Variants in MDFIC2 observed in about 807,000 individuals in gnomAD.
The protein encoded by MDFIC2 is MyoD family inhibitor domain containing 2, also known as myoD family inhibitor domain-containing protein 2.
At chr3:70,215,942 GT>G (rs1701405445) in intron 2 of MDFIC2, among the ~76,000 whole-genome samples, 1 of 151,948 alleles carries the variant, frequency 6.6e-6, no homozygotes, top group Non-Finnish European at 1.5e-5. Flanking sequence ...ATAAATTTCT[GT>G]CTTTTGTGGT....
At chr3:70,269,442 C>T (rs1425022877) in intron 2 of MDFIC2, among the ~76,000 whole-genome samples, 1 of 152,150 alleles carries the variant, frequency 6.6e-6, no homozygotes, top group Non-Finnish European at 1.5e-5. Flanking sequence ...CTGTTCTAAC[C>T]ATGTTCAAGT....
chr3:70,222,747 A>G (rs553376829), intron 2 of MDFIC2, among the ~76,000 whole-genome samples: 1 of 152,178 alleles, frequency 6.6e-6, no homozygotes, highest in African/African-American at 2.4e-5. Flanking sequence ...AGAAACTGGT[A>G]TAAATATACA....
intron 2 of MDFIC2, among the ~76,000 whole-genome samples, chr3:70,220,836 G>A (rs1348894769): frequency 1.3e-5 from 2 of 152,072 alleles, no homozygotes; most frequent in East Asian, 3.9e-4. Flanking sequence ...CCTTTTTTGT[G>A]CTTCCATGAC....
intron 2 of MDFIC2, among the ~76,000 whole-genome samples, chr3:70,289,112 C>G (rs1442891003): frequency 6.6e-6 from 1 of 151,226 alleles, no homozygotes; most frequent in African/African-American, 2.4e-5. Flanking sequence ...TTGATGTTAG[C>G]TGGTGATTTT....
chr3:70,266,383 C>T (rs1429364122), intron 2 of MDFIC2, among the ~76,000 whole-genome samples: 1 of 151,822 alleles, frequency 6.6e-6, no homozygotes, highest in African/African-American at 2.4e-5. Flanking sequence ...TGCTTCACTT[C>T]TCTACTTATC....
At chr3:70,283,493 T>C (rs1702109707) in intron 2 of MDFIC2, 1 of 152,120 alleles carries the variant, frequency 6.6e-6, no homozygotes, top group Admixed American at 6.6e-5. Flanking sequence ...AGCATCAAAT[T>C]ACTTTGAGGT....
At position 70,300,075 on chromosome 3, in the gene MDFIC2, A is replaced by G. The variant is rs1470378580; in HGVS notation, c.88+11811T>C. On this transcript the variant is annotated intron_variant, in intron 2 of 3. Coordinates refer to ENST00000567252, the MANE Select transcript of MDFIC2 (RefSeq NM_001364677.1). ...CTACCCATGATTTATAGCCCAGCCA[A>G]ATTCCCCATTTTTCAGAATTCTAGA... Among the ~76,000 whole-genome samples, 5 of 152,090 alleles carry G rather than the reference A, an allele frequency of 3.3e-5. No homozygotes were observed. In the East Asian group the frequency reaches 9.7e-4, roughly 29 times the overall value.
chr3:70,201,792 G>T (rs1423284883), intron 3 of MDFIC2, among the ~76,000 whole-genome samples: 2 of 152,050 alleles, frequency 1.3e-5, no homozygotes, highest in African/African-American at 4.8e-5. Flanking sequence ...CCCTCCTCTT[G>T]CCCTCCTCTG....
At chr3:70,235,516 T>C (rs1400495805) in intron 2 of MDFIC2, among the ~76,000 whole-genome samples, 2 of 152,232 alleles carry the variant, frequency 1.3e-5, no homozygotes, top group Non-Finnish European at 2.9e-5. Flanking sequence ...TACATGGCTC[T>C]AATCACCAAA....
At chr3:70,284,580 A>C (rs1466090516) in intron 2 of MDFIC2, among the ~76,000 whole-genome samples, 1 of 152,188 alleles carries the variant, frequency 6.6e-6, no homozygotes, top group Non-Finnish European at 1.5e-5. Context: ...AAAAAGAATA[A>C]GATCATGTCC....
intron 2 of MDFIC2, among the ~76,000 whole-genome samples, chr3:70,298,163 A>G (rs1702309148): frequency 6.6e-6 from 1 of 152,132 alleles, no homozygotes; most frequent in Non-Finnish European, 1.5e-5. Context: ...TGGCATCTAA[A>G]TATCCTTAGG....
intron 2 of MDFIC2, among the ~76,000 whole-genome samples, chr3:70,235,634 G>T (rs1254230559): frequency 6.6e-6 from 1 of 152,038 alleles, no homozygotes; most frequent in Admixed American, 6.5e-5. Flanking sequence ...TCTTTTAGAG[G>T]TTTCTCTATG....
chr3:70,258,104 C>T (rs1157955447), intron 2 of MDFIC2, among the ~76,000 whole-genome samples: 1 of 152,126 alleles, frequency 6.6e-6, no homozygotes, highest in Non-Finnish European at 1.5e-5. Context: ...TGAATCCCAA[C>T]TTTCATTTCA....
At chr3:70,275,923 T>C (rs1380181772) in intron 2 of MDFIC2, among the ~76,000 whole-genome samples, 1 of 152,136 alleles carries the variant, frequency 6.6e-6, no homozygotes, top group Non-Finnish European at 1.5e-5. Context: ...TCGATGCAAA[T>C]CATGGTAACT....
At chr3:70,210,172 C>G (rs1341260012) in intron 2 of MDFIC2, among the ~76,000 whole-genome samples, 1 of 152,010 alleles carries the variant, frequency 6.6e-6, no homozygotes, top group African/African-American at 2.4e-5. Context: ...ATATGATTCT[C>G]TTTTTAATTT....
At position 70,197,162 on chromosome 3, in the gene MDFIC2, C is replaced by G. The variant is rs925761891; in HGVS notation, c.334G>C (p.Ala112Pro). The G allele has an allele frequency of 1.0e-5, 4 of 398,028 alleles. No individual in the cohort carries two copies. The highest frequency in any genetic ancestry group is 8.3e-5 in the African/African-American group (4 of 48,402). The allele number at this position is 398,028 out of a possible 1,614,324, so 24.7% of individuals were successfully genotyped here. A position where few individuals can be genotyped will look rare whatever the true frequency, so the allele number is the denominator to read the frequency against. ...TCCCAAAACTGGCAAAACAGACAGG[C>G]GAGGATAAGGGAGGCACACTCCTCT... ...TDEECASLILACLFCQFWDCL... is the reference protein window; with the variant it reads ...TDEECASLILPCLFCQFWDCL... The change falls in exon 4 of 4, where the codon GCC becomes CCC. Residue 112 changes from alanine to proline, a missense_variant. Coordinates refer to ENST00000567252, the MANE Select transcript of MDFIC2 (RefSeq NM_001364677.1).
At chr3:70,280,587 T>A (rs547401367) in intron 2 of MDFIC2, among the ~76,000 whole-genome samples, 1 of 152,232 alleles carries the variant, frequency 6.6e-6, no homozygotes, top group African/African-American at 2.4e-5. Flanking sequence ...AAAATGAAGG[T>A]CTCAGAAGCA....
chr3:70,236,435 T>A (rs1701609752), intron 2 of MDFIC2, among the ~76,000 whole-genome samples: 1 of 152,230 alleles, frequency 6.6e-6, no homozygotes, highest in African/African-American at 2.4e-5. Context: ...CCTATTTGTT[T>A]ATTAGCCTTA....
intron 2 of MDFIC2, among the ~76,000 whole-genome samples, chr3:70,306,631 C>CA (rs1354348061): frequency 3.9e-5 from 6 of 151,922 alleles, no homozygotes; most frequent in Non-Finnish European, 1.5e-5. Context: ...CATTTGGGTA[C>CA]AACACAATTT....
Sources: allele counts gnomAD v4.1 joint callset (sites outside exome capture counted in the v4.1 genomes callset), GRCh38; gene constraint gnomAD v4.1.1; transcripts MANE v1.5; gene names NCBI Gene and HGNC (gene_info 2026-07-23, HGNC 2026-07-21).